The following AGBL4 variants were observed in gnomAD, a reference collection of about 807,000 sequenced individuals.
The protein encoded by AGBL4 is cytosolic carboxypeptidase 6.
A neutral mutation model predicts 66.4 loss-of-function variants in AGBL4; 58 were observed. That is an observed-to-expected ratio of 0.87 (90% CI 0.71 to 1.09). AGBL4 has a LOEUF of 1.09. Ranked by LOEUF, AGBL4 falls within the 50% of genes least tolerant of loss-of-function variation. AGBL4 has a pLI of 0.00. For missense variants in AGBL4, 579 were observed against 631.0 expected (o/e 0.92, Z 0.88); for synonymous variants, 234 against 222.9 (o/e 1.05, Z -0.44).
chr1:49,020,429 G>A (rs902367911), intron 5 of AGBL4, among the ~76,000 whole-genome samples: 3 of 152,166 alleles, frequency 2.0e-5, no homozygotes, highest in African/African-American at 7.2e-5. Context: ...GGTCTCACCA[G>A]TTCTAAAAGG....
chr1:48,711,006 G>A lies in AGBL4; in HGVS notation c.635-47765C>T, dbSNP rs139407135. Among the ~76,000 whole-genome samples the A allele has an allele frequency of 4.6e-4, 70 of 152,254 alleles. No individual in the cohort carries two copies. The South Asian group carries it at 0.011, about 25-fold the overall frequency. ...TCTCCATCTCTCCTCTTTGGGACACGCCTCACTCCTGGCACTGTGCATCCT... is the reference window on the plus strand; with the variant it reads ...TCTCCATCTCTCCTCTTTGGGACACACCTCACTCCTGGCACTGTGCATCCT... On this transcript the variant is annotated intron_variant, in intron 6 of 13. Transcript: ENST00000371839.
At chr1:49,199,143 T>C (rs1647481951) in intron 4 of AGBL4, among the ~76,000 whole-genome samples, 1 of 152,188 alleles carries the variant, frequency 6.6e-6, no homozygotes, top group Admixed American at 6.5e-5. Flanking sequence ...TCCTTACAGC[T>C]ACTAAAAGTA....
chr1:48,571,896 A>G (rs957214120), intron 11 of AGBL4, among the ~76,000 whole-genome samples: 1 of 152,126 alleles, frequency 6.6e-6, no homozygotes, highest in Non-Finnish European at 1.5e-5. Flanking sequence ...TCAGCCCCTC[A>G]TCAGACACTC....
chr1:49,380,929 G>A (rs1253186566), intron 3 of AGBL4, among the ~76,000 whole-genome samples: 2 of 152,156 alleles, frequency 1.3e-5, no homozygotes, highest in Admixed American at 1.3e-4. Flanking sequence ...CAGGACATAC[G>A]CATGGGCAAG....
chr1:49,599,472 C>T (rs1468728156), intron 3 of AGBL4, among the ~76,000 whole-genome samples: 1 of 151,214 alleles, frequency 6.6e-6, no homozygotes, highest in African/African-American at 2.4e-5. Flanking sequence ...TTTTTTATTG[C>T]TTCTTCTATC....
chr1:49,660,373 G>A lies in AGBL4; in HGVS notation c.282+36940C>T, dbSNP rs564552052. 2.4e-4 allele frequency among the ~76,000 whole-genome samples: 36 copies of A among 152,266 alleles called. 1 individual carries two copies. In the South Asian group the frequency reaches 7.5e-3, roughly 32 times the overall value. Reference sequence around the variant, plus strand: ...AAAAGCTTAACATCACTGATCATTAGAGAAACGCAAATCAAAACCACAATG... The same window carrying A: ...AAAAGCTTAACATCACTGATCATTAAAGAAACGCAAATCAAAACCACAATG... On this transcript the variant is annotated intron_variant, in intron 3 of 13. Coordinates refer to ENST00000371839, the MANE Select transcript of AGBL4 (RefSeq NM_032785.4).
intron 3 of AGBL4, among the ~76,000 whole-genome samples, chr1:49,368,835 G>A (rs1644288503): frequency 6.6e-6 from 1 of 152,168 alleles, no homozygotes; most frequent in African/African-American, 2.4e-5. Flanking sequence ...AGCACTTTAG[G>A]AGACTGAGGC....
intron 5 of AGBL4, among the ~76,000 whole-genome samples, chr1:48,888,388 G>T (rs561391405): frequency 2.6e-5 from 4 of 152,234 alleles, no homozygotes; most frequent in African/African-American, 2.4e-5. Flanking sequence ...CCTTCTGTCC[G>T]TTAGAGGAGT....
At chr1:49,281,989 T>C (rs1288991584) in intron 3 of AGBL4, among the ~76,000 whole-genome samples, 1 of 152,202 alleles carries the variant, frequency 6.6e-6, no homozygotes, top group Non-Finnish European at 1.5e-5. Context: ...ATAGATGGCA[T>C]CCTACTACTT....
intron 1 of AGBL4, among the ~76,000 whole-genome samples, chr1:49,896,548 T>C (rs550850170): frequency 7.0e-4 from 106 of 151,366 alleles, no homozygotes; most frequent in African/African-American, 2.5e-3. Flanking sequence ...AGAATACTTC[T>C]AAACTTATTC....
chr1:48,658,843 ATGTGTGTGTG>A (rs5774012), intron 7 of AGBL4, among the ~76,000 whole-genome samples: 4 of 149,568 alleles, frequency 2.7e-5, no homozygotes, highest in Admixed American at 6.7e-5. Context: ...TGGTGTGTGC[ATGTGTGTGTG>A]TGTGTGTGTG....
At chr1:49,011,759 T>A (rs1179118549) in intron 5 of AGBL4, among the ~76,000 whole-genome samples, 3 of 151,952 alleles carry the variant, frequency 2.0e-5, no homozygotes, top group Admixed American at 6.6e-5. Context: ...GAAATCATCA[T>A]TCTCAGTAAA....
At chr1:49,309,750 C>A (rs534826948) in intron 3 of AGBL4, among the ~76,000 whole-genome samples, 1 of 152,036 alleles carries the variant, frequency 6.6e-6, no homozygotes, top group South Asian at 2.1e-4. Context: ...TATTAGATAA[C>A]CCCTAAGTGA....
chr1:49,241,217 T>C (rs1241597299), intron 4 of AGBL4, among the ~76,000 whole-genome samples: 4 of 152,108 alleles, frequency 2.6e-5, no homozygotes, highest in Non-Finnish European at 4.4e-5. Context: ...TCTGATCATG[T>C]CCTGCCCCCA....
chr1:49,698,908 T>C (rs1216179270), intron 2 of AGBL4, among the ~76,000 whole-genome samples: 1 of 152,054 alleles, frequency 6.6e-6, no homozygotes, highest in South Asian at 2.1e-4. Flanking sequence ...ATCCACCATA[T>C]GTGTCTACAA....
intron 1 of AGBL4, among the ~76,000 whole-genome samples, chr1:49,927,444 A>T (rs1429730193): frequency 1.3e-5 from 2 of 152,172 alleles, no homozygotes; most frequent in Non-Finnish European, 2.9e-5. Flanking sequence ...AACAAGATGG[A>T]GTGAGTACAA....
intron 2 of AGBL4, among the ~76,000 whole-genome samples, chr1:49,766,661 C>T (rs1022398571): frequency 6.6e-6 from 1 of 151,030 alleles, no homozygotes; most frequent in African/African-American, 2.4e-5. Context: ...AAAAAAGGAC[C>T]CTTCCATCCA....
At chr1:49,124,538 A>C (rs1645727497) in intron 4 of AGBL4, among the ~76,000 whole-genome samples, 2 of 152,218 alleles carry the variant, frequency 1.3e-5, no homozygotes, top group Admixed American at 1.3e-4. Flanking sequence ...CAGCAGGCTG[A>C]TGTAGCTCAA....
chr1:50,022,193 T>G (rs563475987), intron 1 of AGBL4, among the ~76,000 whole-genome samples: 25 of 152,316 alleles, frequency 1.6e-4, no homozygotes, highest in African/African-American at 5.8e-4. Context: ...ACATGTGGTA[T>G]TGATAAAACA....
Sources: allele counts gnomAD v4.1 joint callset (sites outside exome capture counted in the v4.1 genomes callset), GRCh38; gene constraint gnomAD v4.1.1; transcripts MANE v1.5; gene names NCBI Gene and HGNC (gene_info 2026-07-23, HGNC 2026-07-21).